The following LRRC37A2 variants were observed in gnomAD, a reference collection of about 807,000 sequenced individuals.
LRRC37A2 encodes leucine rich repeat containing 37 member A2.
A neutral mutation model predicts 68.8 loss-of-function variants in LRRC37A2; 9 were observed. The observed-to-expected ratio is 0.13, with a 90% confidence interval of 0.08 to 0.23. The LOEUF is 0.23. Ranked by LOEUF, LRRC37A2 falls within the 10% of genes least tolerant of loss-of-function variation. The pLI is 1.00. For synonymous variants in LRRC37A2, 63 were observed against 367.6 expected, an observed-to-expected ratio of 0.17 and a Z score of 9.48; for missense variants, 168 against 950.4, an observed-to-expected ratio of 0.18 and a Z score of 10.82.
the LRRC37A2 span, among the ~76,000 whole-genome samples, chr17:46,769,418 A>G: frequency 6.6e-6 from 1 of 152,228 alleles, no homozygotes; most frequent in Non-Finnish European, 1.5e-5. Context: ...GACTCACCCT[A>G]GATCATACAA....
At chr17:46,978,928 T>C in the LRRC37A2 span, 2 of 1,460,584 alleles carry the variant, frequency 1.4e-6, no homozygotes, top group East Asian at 6.0e-5. Context: ...GTGGGTGCGG[T>C]TTCCCAGGGC....
chr17:46,739,132 G>T, the LRRC37A2 span, among the ~76,000 whole-genome samples: 1 of 152,176 alleles, frequency 6.6e-6, no homozygotes, highest in Non-Finnish European at 1.5e-5. Flanking sequence ...CACTTTGGGA[G>T]GCCAAGGTAG....
the LRRC37A2 span, among the ~76,000 whole-genome samples, chr17:46,832,415 A>T: frequency 1.5e-5 from 2 of 129,660 alleles, no homozygotes; most frequent in African/African-American, 5.8e-5. Context: ...GGGGTGGTGG[A>T]GGAGAGAAGG....
the LRRC37A2 span, among the ~76,000 whole-genome samples, chr17:46,790,629 G>C: frequency 6.6e-6 from 1 of 152,126 alleles, no homozygotes; most frequent in East Asian, 1.9e-4. Context: ...CCCGTCCCCT[G>C]TTTTCCAACC....
At chr17:47,027,442 T>C in the LRRC37A2 span, 1 of 591,726 alleles carries the variant, frequency 1.7e-6, no homozygotes, top group Non-Finnish European at 3.1e-6. Context: ...AGTCCAAACG[T>C]TTAGAGTTGA....
the LRRC37A2 span, chr17:46,933,556 G>T: frequency 1.3e-5 from 2 of 151,554 alleles, no homozygotes; most frequent in Non-Finnish European, 2.9e-5. Context: ...GAGCTCCCCT[G>T]TTAGCAGGGG....
chr17:46,927,751 T>C, the LRRC37A2 span, among the ~76,000 whole-genome samples: 2 of 152,192 alleles, frequency 1.3e-5, no homozygotes, highest in African/African-American at 4.8e-5. Flanking sequence ...CGCCATATTG[T>C]TTCCATTGTT....
the LRRC37A2 span, among the ~76,000 whole-genome samples, chr17:46,716,787 GACACATGTGT>G: frequency 6.6e-6 from 1 of 152,086 alleles, no homozygotes; most frequent in Non-Finnish European, 1.5e-5. Flanking sequence ...TTTCTACTCA[GACACATGTGT>G]ACACATGAAC....
the LRRC37A2 span, among the ~76,000 whole-genome samples, chr17:46,905,780 T>TGTGTGTGTGTG: frequency 2.6e-5 from 3 of 117,048 alleles, no homozygotes; most frequent in African/African-American, 3.2e-5. Flanking sequence ...CTCTGTGTGT[T>TGTGTGTGTGTG]TGTGTGTGTG....
At chr17:46,764,005 G>A in the LRRC37A2 span, 1 of 152,212 alleles carries the variant, frequency 6.6e-6, no homozygotes, top group Non-Finnish European at 1.5e-5. Flanking sequence ...AGGCCACCCT[G>A]AGCTGCCAGT....
chr17:47,028,626 T>A, the LRRC37A2 span, among the ~76,000 whole-genome samples: 1 of 152,172 alleles, frequency 6.6e-6, no homozygotes, highest in Admixed American at 6.5e-5. Flanking sequence ...ATTAGCCTTA[T>A]TGCTGGGCGG....
At chr17:46,816,475 G>GCACGCGCACA in the LRRC37A2 span, among the ~76,000 whole-genome samples, 5 of 144,244 alleles carry the variant, frequency 3.5e-5, no homozygotes, top group African/African-American at 1.3e-4. Flanking sequence ...CAGAACACAC[G>GCACGCGCACA]CACACACACA....
chr17:46,793,041 G>A, the LRRC37A2 span, among the ~76,000 whole-genome samples: 1 of 151,528 alleles, frequency 6.6e-6, no homozygotes, highest in African/African-American at 2.4e-5. Context: ...GAGGCGGGAG[G>A]AGCACTTGAG....
At chr17:46,925,338 C>T in the LRRC37A2 span, among the ~76,000 whole-genome samples, 3 of 152,242 alleles carry the variant, frequency 2.0e-5, no homozygotes, top group Non-Finnish European at 4.4e-5. Context: ...CCCCGACACT[C>T]ATTAATTCAT....
chr17:46,961,468 G>A, the LRRC37A2 span, among the ~76,000 whole-genome samples: 1 of 152,124 alleles, frequency 6.6e-6, no homozygotes, highest in African/African-American at 2.4e-5. Flanking sequence ...TCAGGAGTTC[G>A]AGGCTGCAGT....
the LRRC37A2 span, chr17:46,876,696 T>C: frequency 1.5e-5 from 24 of 1,564,358 alleles, no homozygotes; most frequent in African/African-American, 2.2e-4. Context: ...CAGGAGGAGC[T>C]TGTGTACACC....
chr17:46,497,596 A>ATG, the LRRC37A2 span, among the ~76,000 whole-genome samples: 7 of 150,206 alleles, frequency 4.7e-5, no homozygotes, highest in Non-Finnish European at 1.0e-4. Flanking sequence ...AATTGTATAT[A>ATG]TGTGTGTGTG....
chr17:46,837,157 G>A, the LRRC37A2 span, among the ~76,000 whole-genome samples: 1 of 152,174 alleles, frequency 6.6e-6, no homozygotes, highest in South Asian at 2.1e-4. Flanking sequence ...TGGCCAGGCT[G>A]GTCTTGATCT....
the LRRC37A2 span, among the ~76,000 whole-genome samples, chr17:46,900,206 CACACACACACACACAT>C: frequency 8.1e-6 from 1 of 123,858 alleles, no homozygotes; most frequent in African/African-American, 4.2e-5. Flanking sequence ...TATATATACA[CACACACACACACACAT>C]ATATATATAT....
Sources: gnomAD v4.1 joint callset for allele counts (sites outside exome capture counted in the v4.1 genomes callset) on GRCh38, gnomAD v4.1.1 for gene constraint, MANE v1.5 for transcripts, NCBI Gene and HGNC (gene_info 2026-07-23, HGNC 2026-07-21) for gene names.